The following ZNF322 variants were observed in gnomAD, a reference collection of about 807,000 sequenced individuals.
ZNF322 encodes zinc finger protein 322.
ZNF322 carries 1 observed loss-of-function variant against 18.3 expected under a neutral mutation model. The ratio of observed to expected loss-of-function variants is 0.05; its 90% CI spans 0.02 to 0.26. ZNF322 has a LOEUF of 0.26. Among genes scored for constraint, ZNF322 ranks in the 10% least tolerant of loss-of-function variants. ZNF322 has a pLI of 1.00. For missense variants in ZNF322, 36 were observed against 403.6 expected, an observed-to-expected ratio of 0.09 and a Z score of 7.80; for synonymous variants, 17 against 130.7, an observed-to-expected ratio of 0.13 and a Z score of 5.93.
chr6:26,653,181 T>C (rs1765704463), intron 2 of ZNF322, among the ~76,000 whole-genome samples: 1 of 152,138 alleles, frequency 6.6e-6, no homozygotes, highest in African/African-American at 2.4e-5. Flanking sequence ...AATACCAGTA[T>C]CACCAATTAA....
At chr6:26,656,631 C>T (rs1387485650) in intron 2 of ZNF322, among the ~76,000 whole-genome samples, 2 of 151,852 alleles carry the variant, frequency 1.3e-5, no homozygotes, top group African/African-American at 2.4e-5. Flanking sequence ...AAAGATATGC[C>T]GGGATACAGA....
At chr6:26,644,191 A>C (rs1765515428) in intron 2 of ZNF322, among the ~76,000 whole-genome samples, 1 of 152,224 alleles carries the variant, frequency 6.6e-6, no homozygotes, top group African/African-American at 2.4e-5. Flanking sequence ...CCCTAAGCTG[A>C]TTTATATTTC....
intron 2 of ZNF322, among the ~76,000 whole-genome samples, chr6:26,649,701 A>ATATATT (rs1561925001): frequency 2.6e-5 from 2 of 76,794 alleles, no homozygotes; most frequent in Non-Finnish European, 4.6e-5. Flanking sequence ...ATATATATAT[A>ATATATT]TTTTTTTTTT....
intron 3 of ZNF322, among the ~76,000 whole-genome samples, chr6:26,641,374 G>T (rs1163790238): frequency 6.6e-6 from 1 of 152,100 alleles, no homozygotes. Context: ...GGACATAATG[G>T]GAGAAAAATG....
At chr6:26,652,488 A>C (rs1368359102) in intron 2 of ZNF322, among the ~76,000 whole-genome samples, 1 of 152,182 alleles carries the variant, frequency 6.6e-6, no homozygotes, top group African/African-American at 2.4e-5. Context: ...GAGGAGTTCG[A>C]GATCAGCCTG....
At position 26,638,741 on chromosome 6, in the gene ZNF322, G is replaced by A; in HGVS notation, c.-175-13C>T. 2.1e-6 allele frequency: 2 copies of A among 956,066 alleles called. No individual in the cohort carries two copies. The highest frequency in any genetic ancestry group is 3.0e-6 in the Non-Finnish European group (2 of 659,544). The allele number at this position is 956,066 out of a possible 1,614,324, so 59.2% of individuals were successfully genotyped here. A position where few individuals can be genotyped will look rare whatever the true frequency, so the allele number is the denominator to read the frequency against. On this transcript the variant is annotated splice_polypyrimidine_tract_variant and intron_variant, in intron 3 of 3. Coordinates refer to ENST00000415922, the MANE Select transcript of ZNF322 (RefSeq NM_024639.5). ...GGTATTTCCAACCCTGTGAGACAAA[G>A]TAGAAATATTATTTATATTCCTATG...
Position 26,636,440 on chromosome 6 carries a change from A to T in ZNF322, c.*905T>A, listed in dbSNP as rs1273609628. On this transcript the variant is annotated 3_prime_UTR_variant, in exon 4 of 4. Transcript: ENST00000415922. ...ACCCACCCTAGCTTCTCCCAGAACA[A>T]GCTTCTGGGTATCTAAAAAACTATT... 2 of 144,524 alleles carry T rather than the reference A, an allele frequency of 1.4e-5. No homozygotes were observed. The highest frequency in any genetic ancestry group is 3.0e-5 in the Non-Finnish European group (2 of 66,018). The allele number at this position is 144,524 out of a possible 1,614,324, so 9.0% of individuals were successfully genotyped here. A position where few individuals can be genotyped will look rare whatever the true frequency, so the allele number is the denominator to read the frequency against.
chr6:26,655,378 T>G (rs572008921), intron 2 of ZNF322, among the ~76,000 whole-genome samples: 1 of 152,326 alleles, frequency 6.6e-6, no homozygotes, highest in Non-Finnish European at 1.5e-5. Flanking sequence ...AATATACAAC[T>G]GAATATTTAG....
chr6:26,649,701 A>ATATT (rs1561925001), intron 2 of ZNF322, among the ~76,000 whole-genome samples: 3 of 76,798 alleles, frequency 3.9e-5, no homozygotes, highest in East Asian at 3.9e-4. Context: ...ATATATATAT[A>ATATT]TTTTTTTTTT....
intron 2 of ZNF322, among the ~76,000 whole-genome samples, chr6:26,654,051 T>C (rs1185838060): frequency 9.2e-5 from 14 of 152,180 alleles, no homozygotes; most frequent in Non-Finnish European, 1.9e-4. Context: ...TTCTCCCCTG[T>C]TGGGATAAGG....
chr6:26,647,814 A>T (rs1281419922), intron 2 of ZNF322, among the ~76,000 whole-genome samples: 8 of 152,154 alleles, frequency 5.3e-5, no homozygotes, highest in Admixed American at 5.2e-4. Context: ...TTGTGAAATA[A>T]GGATAGCACT....
Position 26,637,349 on chromosome 6 carries a change from G to GACA in ZNF322, c.1202_1204dup (p.Met401_Ser402insLeu). ...GTATTACAGCTTCTCGCCTGGTCAA[G>GACA]ACATCTGTGAGGCTTCTGACGCATG... On this transcript the variant is annotated inframe_insertion, in exon 4 of 4. Transcript: ENST00000415922. 1 of 1,597,470 alleles carries GACA rather than the reference G, an allele frequency of 6.3e-7. No individual in the cohort carries two copies.
chr6:26,655,854 C>T (rs1165204920), intron 2 of ZNF322, among the ~76,000 whole-genome samples: 1 of 152,180 alleles, frequency 6.6e-6, no homozygotes, highest in Non-Finnish European at 1.5e-5. Flanking sequence ...AGCAAGAAGG[C>T]TCTCACTAGA....
At chr6:26,659,255 T>C (rs1765838272) in intron 1 of ZNF322, among the ~76,000 whole-genome samples, 186 bp downstream of exon 1, 1 of 152,260 alleles carries the variant, frequency 6.6e-6, no homozygotes. Context: ...CTCTAGGAAC[T>C]ACCGTACTAA....
intron 3 of ZNF322, among the ~76,000 whole-genome samples, chr6:26,641,383 T>G (rs1423796584): frequency 6.6e-6 from 1 of 151,894 alleles, no homozygotes; most frequent in Non-Finnish European, 1.5e-5. Context: ...GGGAGAAAAA[T>G]GCACTGCAAG....
At chr6:26,641,900 C>T (rs782608204) in intron 3 of ZNF322, among the ~76,000 whole-genome samples, 3 of 152,018 alleles carry the variant, frequency 2.0e-5, no homozygotes, top group Admixed American at 6.6e-5. Context: ...TCCCCTAGCC[C>T]GACACCCGTA....
Position 26,636,874 on chromosome 6 carries a change from G to C in ZNF322, c.*471C>G, listed in dbSNP as rs1166762918. ...TGATGGGTAAGTCAGAGTTTTGTTA[G>C]AAGCTTTTTTCACACTTGCTGGGGC... On this transcript the variant is annotated 3_prime_UTR_variant, in exon 4 of 4. Transcript: ENST00000415922. The C allele has an allele frequency of 1.7e-5, 2 of 116,232 alleles. No individual in the cohort carries two copies. The highest frequency in any genetic ancestry group is 7.7e-5 in the African/African-American group (2 of 25,888). The allele number at this position is 116,232 out of a possible 1,614,324, so 7.2% of individuals were successfully genotyped here. A position where few individuals can be genotyped will look rare whatever the true frequency, so the allele number is the denominator to read the frequency against.
chr6:26,652,246 G>A (rs1359945544), intron 2 of ZNF322, among the ~76,000 whole-genome samples: 1 of 152,198 alleles, frequency 6.6e-6, no homozygotes, highest in African/African-American at 2.4e-5. Context: ...TCTAGAGAAT[G>A]AGAAGACAAG....
rs921455577 is a variant in ZNF322 at position 26,649,567 on chromosome 6, A to G, written c.-245-5839T>C. On this transcript the variant is annotated intron_variant, in intron 2 of 3. Transcript: ENST00000415922. ...AATCTTAGGGTACCAAAAATTTTCTATCTGTAAGACTGATCATTTGACTAA... is the reference window on the plus strand; with the variant it reads ...AATCTTAGGGTACCAAAAATTTTCTGTCTGTAAGACTGATCATTTGACTAA... 1.6e-4 allele frequency among the ~76,000 whole-genome samples: 23 copies of G among 147,558 alleles called. 1 individual carries two copies. In the Middle Eastern group the frequency reaches 0.01, roughly 67 times the overall value.
Sources: gnomAD v4.1 joint callset for allele counts (sites outside exome capture counted in the v4.1 genomes callset) on GRCh38, gnomAD v4.1.1 for gene constraint, MANE v1.5 for transcripts, NCBI Gene and HGNC (gene_info 2026-07-23, HGNC 2026-07-21) for gene names.